FIG4: variants seen among roughly 807,000 people sequenced by gnomAD.
FIG4 encodes the protein polyphosphoinositide phosphatase.
FIG4 carries 112 observed loss-of-function variants against 118.6 expected under a neutral mutation model. The ratio of observed to expected loss-of-function variants is 0.94; its 90% CI spans 0.81 to 1.11. The LOEUF (loss-of-function observed/expected upper bound fraction) is 1.11. Among genes scored for constraint, FIG4 ranks in the 50% least tolerant of loss-of-function variants. The probability of loss-of-function intolerance (pLI) is 0.00; values close to 1 mark genes in which losing one functional copy is unlikely to be tolerated. For missense variants in FIG4, 969 were observed against 1,111.7 expected, an observed-to-expected ratio of 0.87 and a Z score of 1.83; for synonymous variants, 369 against 381.2, an observed-to-expected ratio of 0.97 and a Z score of 0.37.
At chr6:109,721,384 G>A (rs192948367) in intron 3 of FIG4, among the ~76,000 whole-genome samples, 95 of 152,182 alleles carry the variant, frequency 6.2e-4, no homozygotes, top group Non-Finnish European at 1.2e-3. Flanking sequence ...ATAATAGCTG[G>A]CTGGCATGGT....
chr6:109,743,080 A>G, intron 8 of FIG4, 30 bp from the exon 9 acceptor site: 1 of 1,588,346 alleles, frequency 6.3e-7, no homozygotes, highest in Non-Finnish European at 8.6e-7. Context: ...TAATAACATA[A>G]AATATTTTTC....
chr6:109,725,349 C>T (rs1051339141), intron 3 of FIG4, among the ~76,000 whole-genome samples: 6 of 152,150 alleles, frequency 3.9e-5, no homozygotes, highest in South Asian at 2.1e-4. Flanking sequence ...TGAGAACATG[C>T]GGTATTTGGT....
intron 1 of FIG4, among the ~76,000 whole-genome samples, chr6:109,694,693 A>G (rs1277924415): frequency 6.6e-6 from 1 of 152,226 alleles, no homozygotes; most frequent in Non-Finnish European, 1.5e-5. Flanking sequence ...TTCATCCAAG[A>G]AGGGACTAAT....
chr6:109,735,439 A>C, intron 6 of FIG4, 141 bp downstream of exon 6: 1 of 764,848 alleles, frequency 1.3e-6, no homozygotes, highest in South Asian at 1.6e-5. Flanking sequence ...GGATATGTGA[A>C]GTTGATCAAT....
At chr6:109,759,088 C>T (rs980453275) in intron 10 of FIG4, among the ~76,000 whole-genome samples, 16 of 152,122 alleles carry the variant, frequency 1.1e-4, no homozygotes, top group African/African-American at 3.9e-4. Flanking sequence ...CCCAGCAATC[C>T]CATTACTGGG....
intron 1 of FIG4, among the ~76,000 whole-genome samples, chr6:109,709,567 C>G (rs1775193625): frequency 6.6e-6 from 1 of 152,172 alleles, no homozygotes; most frequent in Non-Finnish European, 1.5e-5. Context: ...TGGCCATTTT[C>G]ACAATATTGA....
At chr6:109,741,612 A>C in intron 8 of FIG4, 68 bp downstream of exon 8, 1 of 1,013,954 alleles carries the variant, frequency 9.9e-7, no homozygotes. Context: ...ATGTAGAAGC[A>C]CAGTGAAATT....
chr6:109,798,195 C>T (rs1374599924), intron 22 of FIG4, among the ~76,000 whole-genome samples: 2 of 151,972 alleles, frequency 1.3e-5, no homozygotes, highest in East Asian at 3.9e-4. Context: ...AGAGTAGTAG[C>T]TGTGAGGATT....
chr6:109,716,417 C>T (rs973063479), intron 2 of FIG4, 28 bp from the exon 3 acceptor site: 36 of 1,610,816 alleles, frequency 2.2e-5, no homozygotes, highest in Non-Finnish European at 2.9e-5. Context: ...TAAGCACAAC[C>T]TTACAGAGTA....
At chr6:109,821,635 G>A (rs1387941493) in intron 22 of FIG4, among the ~76,000 whole-genome samples, 1 of 152,142 alleles carries the variant, frequency 6.6e-6, no homozygotes, top group South Asian at 2.1e-4. Context: ...CTCAGTGACT[G>A]TTAACATAAA....
At chr6:109,708,212 T>G (rs1775148014) in intron 1 of FIG4, among the ~76,000 whole-genome samples, 1 of 152,226 alleles carries the variant, frequency 6.6e-6, no homozygotes, top group Non-Finnish European at 1.5e-5. Flanking sequence ...ATCCCACTTG[T>G]AAGTGAGAAC....
rs143798603 is a variant in FIG4, at chr6:109,718,216, A to G, written c.289+1648A>G. On this transcript the variant is annotated intron_variant, in intron 3 of 22. Coordinates refer to ENST00000230124, the MANE Select transcript of FIG4 (RefSeq NM_014845.6). Reference sequence around the variant, plus strand: ...CAACCAGATCTCATGACAACTCTGTATCACGAGAACAGCACCAAAGGGGTG... The same window carrying G: ...CAACCAGATCTCATGACAACTCTGTGTCACGAGAACAGCACCAAAGGGGTG... Among the ~76,000 whole-genome samples the G allele has an allele frequency of 1.8e-4, 27 of 152,280 alleles. 1 individual carries two copies. In the East Asian group the frequency reaches 5.2e-3, roughly 29 times the overall value.
At chr6:109,692,424 G>A (rs1242007410) in intron 1 of FIG4, among the ~76,000 whole-genome samples, 1 of 152,168 alleles carries the variant, frequency 6.6e-6, no homozygotes, top group Non-Finnish European at 1.5e-5. Flanking sequence ...GTATGAGAAG[G>A]CATTTAACAG....
At chr6:109,798,975 A>G (rs935871850) in intron 22 of FIG4, among the ~76,000 whole-genome samples, 2 of 152,138 alleles carry the variant, frequency 1.3e-5, no homozygotes, top group African/African-American at 2.4e-5. Context: ...AAGAGACTCT[A>G]TTAACCAAAT....
intron 3 of FIG4, among the ~76,000 whole-genome samples, chr6:109,719,029 G>A (rs1441751090): frequency 2.0e-5 from 3 of 150,566 alleles, no homozygotes; most frequent in East Asian, 2.0e-4. Context: ...AGCCATTCTC[G>A]TGCCTCAGCC....
chr6:109,735,675 G>A lies in FIG4; in HGVS notation c.646+377G>A, dbSNP rs1427937740. On this transcript the variant is annotated intron_variant, in intron 6 of 22. Coordinates refer to ENST00000230124, the MANE Select transcript of FIG4 (RefSeq NM_014845.6). Reference sequence around the variant, plus strand: ...CACAGAGACCAGTTTGTTATGGTCTGAGTTTTGAAAAAGAGTTACCATGGG... The same window carrying A: ...CACAGAGACCAGTTTGTTATGGTCTAAGTTTTGAAAAAGAGTTACCATGGG... 2.6e-5 allele frequency among the ~76,000 whole-genome samples: 4 copies of A among 151,994 alleles called. No homozygotes were observed. The East Asian group carries it at 7.7e-4, about 29-fold the overall frequency.
At chr6:109,788,451 C>T (rs1778046300) in intron 18 of FIG4, among the ~76,000 whole-genome samples, 1 of 152,166 alleles carries the variant, frequency 6.6e-6, no homozygotes, top group Non-Finnish European at 1.5e-5. Context: ...GTGAAAAAGA[C>T]ACTCATTTAC....
chr6:109,791,445 C>T lies in FIG4; in HGVS notation c.2250C>T (p.Ser750=), dbSNP rs751694228. ...KTAASAPPPP[S]EEAVSSSSED... ...CAGCCAGCGCCCCGCCGCCCCCCAG[C>T]GAGGAGGCTGTGTCCAGCAGCTCTG... The change falls in exon 20 of 23, where the codon AGC becomes AGT. Residue 750 remains serine (S), a synonymous_variant. Transcript: ENST00000230124. 9.9e-6 allele frequency: 16 copies of T among 1,613,686 alleles called. No individual in the cohort carries two copies. The highest frequency in any genetic ancestry group is 4.5e-5 in the East Asian group (2 of 44,896).
intron 3 of FIG4, among the ~76,000 whole-genome samples, chr6:109,725,018 T>C (rs1332737084): frequency 1.3e-5 from 2 of 152,154 alleles, no homozygotes; most frequent in African/African-American, 4.8e-5. Context: ...CTTATATCTA[T>C]TTGTGCTTAA....
Sources: gnomAD v4.1 joint callset for allele counts (sites outside exome capture counted in the v4.1 genomes callset) on GRCh38, gnomAD v4.1.1 for gene constraint, MANE v1.5 for transcripts, NCBI Gene and HGNC (gene_info 2026-07-23, HGNC 2026-07-21) for gene names.